Variants in PLEK2 observed in about 807,000 individuals in gnomAD.
PLEK2 encodes the protein pleckstrin-2.
PLEK2 carries 29 observed loss-of-function variants against 43.8 expected under a neutral mutation model. The ratio of observed to expected loss-of-function variants is 0.66; its 90% CI spans 0.49 to 0.90. The LOEUF is 0.90. Among genes scored for constraint, PLEK2 ranks in the 40% least tolerant of loss-of-function variants. The probability of loss-of-function intolerance (pLI) is 0.00; values close to 1 mark genes in which losing one functional copy is unlikely to be tolerated. For synonymous variants in PLEK2, 162 were observed against 173.2 expected (o/e 0.94, Z 0.51); for missense variants, 398 against 448.1 (o/e 0.89, Z 1.01).
At chr14:67,394,811 T>TAAATGAATTAATGAATTATCATGGG (rs1395288425) in intron 3 of PLEK2, among the ~76,000 whole-genome samples, 1 of 152,182 alleles carries the variant, frequency 6.6e-6, no homozygotes, top group Non-Finnish European at 1.5e-5. Flanking sequence ...ATTAATGGGT[T>TAAATGAATTAATGAATTATCATGGG]AAATGAATTA....
At chr14:67,391,762 G>A (rs144624297) in intron 6 of PLEK2, among the ~76,000 whole-genome samples, 21 of 152,314 alleles carry the variant, frequency 1.4e-4, no homozygotes, top group East Asian at 3.9e-4. Context: ...CGCAGGACAC[G>A]GCTTGCCTCT....
rs1336408972 is a variant in PLEK2, at chr14:67,388,226, G to A, written c.932C>T (p.Thr311Ile). 1.2e-6 allele frequency: 2 copies of A among 1,609,216 alleles called. No individual in the cohort carries two copies. The highest frequency in any genetic ancestry group is 1.7e-5 in the Admixed American group (1 of 60,002). ...CCAGGGCTGAAGTTGTACCTTACCA[G>A]TGGGAACGCCATTATCTTCCAGAGC... Reference protein sequence around the residue: ...VSALEDNGVPTGVKGNVQGNL... With the variant: ...VSALEDNGVPIGVKGNVQGNL... The change falls in exon 8 of 9, where the codon ACT (threonine) becomes ATT (isoleucine). Residue 311 changes from threonine to isoleucine, a missense_variant and splice_region_variant. Transcript: ENST00000216446.
At chr14:67,405,224 CAAA>C (rs770594121) in intron 1 of PLEK2, among the ~76,000 whole-genome samples, 1 of 40,494 alleles carries the variant, frequency 2.5e-5, no homozygotes, top group Non-Finnish European at 5.4e-5. Context: ...GAGTCCATCT[CAAA>C]AAAAAAAAAA....
Position 67,392,869 on chromosome 14 carries a change from G to C in PLEK2, c.482-20C>G. ...AGGAGCCTGGCCAAGGGCAGCACCA[G>C]TCAGGCGATGGGTGATGGACCAGCG... On this transcript the variant is annotated intron_variant, in intron 4 of 8. Coordinates refer to ENST00000216446, the MANE Select transcript of PLEK2 (RefSeq NM_016445.3). 1.3e-6 allele frequency: 2 copies of C among 1,591,480 alleles called. No homozygotes were observed. Among genetic ancestry groups the C allele is most frequent in the Non-Finnish European group, 8.6e-7 (1 of 1,165,010 alleles).
At chr14:67,411,029 C>G (rs774923746) in intron 1 of PLEK2, among the ~76,000 whole-genome samples, 5 of 151,582 alleles carry the variant, frequency 3.3e-5, no homozygotes, top group Admixed American at 1.3e-4. Context: ...TACCTGTAGT[C>G]CCAGCTACTA....
chr14:67,396,258 CTG>C, intron 2 of PLEK2, among the ~76,000 whole-genome samples: 1 of 151,938 alleles, frequency 6.6e-6, no homozygotes, highest in African/African-American at 2.4e-5. Flanking sequence ...AGCAATTCTC[CTG>C]CCTCAGCCTC....
Position 67,392,766 on chromosome 14 carries a change from C to T in PLEK2, c.565G>A (p.Glu189Lys). The T allele has an allele frequency of 6.2e-7, 1 of 1,614,112 alleles. No homozygotes were observed. Among genetic ancestry groups the T allele is most frequent in the Middle Eastern group, 1.6e-4 (1 of 6,062 alleles). ...CCCACAGGCCTGAGGAAGTTCTCCT[C>T]CATGAGCATGGAGGCCAGGGTCACC... ...EAVTLASMLMEENFLRPVGVR... is the reference protein window; with the variant it reads ...EAVTLASMLMKENFLRPVGVR... Residue 189 changes from glutamate to lysine, a missense_variant, in exon 5 of 9, where the codon GAG becomes AAG. By Grantham distance (56) the Glu-to-Lys change is moderately conservative. Coordinates refer to ENST00000216446, the MANE Select transcript of PLEK2 (RefSeq NM_016445.3).
chr14:67,401,208 T>C (rs1489077257), intron 1 of PLEK2, among the ~76,000 whole-genome samples: 2 of 152,022 alleles, frequency 1.3e-5, no homozygotes, highest in African/African-American at 4.8e-5. Flanking sequence ...TGATTTAGGT[T>C]GGCTGCGGTG....
At chr14:67,408,881 T>C (rs1291915347) in intron 1 of PLEK2, among the ~76,000 whole-genome samples, 1 of 152,126 alleles carries the variant, frequency 6.6e-6, no homozygotes, top group Non-Finnish European at 1.5e-5. Flanking sequence ...ATAATTTAAT[T>C]AGTCATTTGG....
At chr14:67,391,834 A>G (rs1259848933) in intron 6 of PLEK2, among the ~76,000 whole-genome samples, 2 of 152,196 alleles carry the variant, frequency 1.3e-5, no homozygotes, top group Non-Finnish European at 2.9e-5. Flanking sequence ...CAGGCTTTGA[A>G]TAGGGAGCCT....
intron 6 of PLEK2, 27 bp downstream of exon 6, chr14:67,392,299 T>A: frequency 7.1e-7 from 1 of 1,412,698 alleles, no homozygotes; most frequent in Non-Finnish European, 1.0e-6. Flanking sequence ...ACTGTCCATC[T>A]CTCTTCCCTG....
intron 1 of PLEK2, among the ~76,000 whole-genome samples, chr14:67,400,502 T>C (rs1057010739): frequency 3.9e-5 from 6 of 152,172 alleles, no homozygotes; most frequent in Non-Finnish European, 8.8e-5. Context: ...GGTCCCCATT[T>C]CCTATGACCA....
chr14:67,402,246 T>C (rs551516332), intron 1 of PLEK2, among the ~76,000 whole-genome samples: 1 of 152,346 alleles, frequency 6.6e-6, no homozygotes, highest in African/African-American at 2.4e-5. Context: ...ATTCCATGCA[T>C]GGGGCATTGA....
chr14:67,392,728 C>T lies in PLEK2; in HGVS notation c.603G>A (p.Met201Ile), dbSNP rs754551306. ...NFLRPVGVRS[M>I]GAIRSGDLAE... is the part of the protein sequence containing the mutation. ...CCAGATCCCCAGAGCGAATGGCTCC[C>T]ATGCTTCGGACACCCACAGGCCTGA... The change falls in exon 5 of 9, where the codon ATG becomes ATA. Residue 201 changes from methionine to isoleucine, a missense_variant. By Grantham distance (10) the Met-to-Ile change is conservative. Coordinates refer to ENST00000216446, the MANE Select transcript of PLEK2 (RefSeq NM_016445.3). 1.2e-6 allele frequency: 2 copies of T among 1,614,208 alleles called. No homozygotes were observed. The highest frequency in any genetic ancestry group is 8.5e-7 in the Non-Finnish European group (1 of 1,180,004).
intron 5 of PLEK2, 62 bp downstream of exon 5, chr14:67,392,600 A>G: frequency 6.8e-7 from 1 of 1,481,000 alleles, no homozygotes; most frequent in Non-Finnish European, 9.3e-7. Flanking sequence ...CCAGGCCCCC[A>G]TTCTGTTGTG....
chr14:67,388,178 G>A (rs2139833303), intron 8 of PLEK2, 46 bp downstream of exon 8: 3 of 1,235,262 alleles, frequency 2.4e-6, no homozygotes, highest in Non-Finnish European at 2.4e-6. Flanking sequence ...AGGTGCAGGA[G>A]GGAGGCCCCT....
chr14:67,398,859 T>A (rs2086028691), intron 1 of PLEK2, among the ~76,000 whole-genome samples: 1 of 152,176 alleles, frequency 6.6e-6, no homozygotes, highest in African/African-American at 2.4e-5. Flanking sequence ...CCATGCCCGG[T>A]CCCTGTTTTG....
chr14:67,397,394 G>A (rs936773213), intron 2 of PLEK2, among the ~76,000 whole-genome samples: 2 of 152,198 alleles, frequency 1.3e-5, no homozygotes, highest in Admixed American at 6.5e-5. Context: ...CTAATACACC[G>A]TGACCTTCAT....
intron 1 of PLEK2, among the ~76,000 whole-genome samples, chr14:67,408,116 G>A (rs1439814046): frequency 2.0e-5 from 3 of 151,780 alleles, no homozygotes; most frequent in East Asian, 1.9e-4. Flanking sequence ...GAGAAACCAC[G>A]TCTCTACTAA....
Sources: allele counts gnomAD v4.1 joint callset (sites outside exome capture counted in the v4.1 genomes callset), GRCh38; gene constraint gnomAD v4.1.1; transcripts MANE v1.5; gene names NCBI Gene and HGNC (gene_info 2026-07-23, HGNC 2026-07-21).